The following NFATC3 variants were observed in gnomAD, a reference collection of about 807,000 sequenced individuals.
The protein encoded by NFATC3 is nuclear factor of activated T cells 3.
A neutral mutation model predicts 98.6 loss-of-function variants in NFATC3; 46 were observed. That is an observed-to-expected ratio of 0.47 (90% confidence interval 0.37 to 0.60). The LOEUF (loss-of-function observed/expected upper bound fraction) is 0.60. Among genes scored for constraint, NFATC3 ranks in the 20% least tolerant of loss-of-function variants. The pLI, the probability that NFATC3 is intolerant of heterozygous loss-of-function variation, is 0.00. For missense variants in NFATC3, 1,256 were observed against 1,295.5 expected, an observed-to-expected ratio of 0.97 and a Z score of 0.47; for synonymous variants, 512 against 472.2, an observed-to-expected ratio of 1.08 and a Z score of -1.09.
intron 3 of NFATC3, chr16:68,138,687 T>A (rs2037582032): frequency 7.8e-7 from 1 of 1,287,442 alleles, no homozygotes; most frequent in Non-Finnish European, 1.0e-6. Context: ...TGGCCCTACT[T>A]ACATGCAGAA....
At chr16:68,180,690 C>T (rs1251188511) in intron 6 of NFATC3, among the ~76,000 whole-genome samples, 9 of 152,062 alleles carry the variant, frequency 5.9e-5, no homozygotes, top group Admixed American at 5.9e-4. Flanking sequence ...GTGATATTCC[C>T]CATTCCTGTG....
intron 3 of NFATC3, among the ~76,000 whole-genome samples, chr16:68,148,944 G>A (rs1472114547): frequency 6.6e-6 from 1 of 152,118 alleles, no homozygotes; most frequent in Non-Finnish European, 1.5e-5. Context: ...GGGAGGTGGA[G>A]GTTGCAGCAC....
intron 9 of NFATC3, chr16:68,221,450 T>C (rs2041862068): frequency 7.5e-7 from 1 of 1,335,020 alleles, no homozygotes; most frequent in South Asian, 2.3e-5. Context: ...AGTGCTCACC[T>C]GTAGCAATTA....
chr16:68,106,744 T>TG (rs912381468), intron 1 of NFATC3, among the ~76,000 whole-genome samples: 9 of 148,566 alleles, frequency 6.1e-5, no homozygotes, highest in African/African-American at 2.3e-4. Context: ...TTTTTGTTGT[T>TG]TTTTTTTTAA....
intron 4 of NFATC3, among the ~76,000 whole-genome samples, chr16:68,159,662 A>G (rs1183582321): frequency 2.0e-5 from 3 of 151,354 alleles, no homozygotes; most frequent in Admixed American, 2.0e-4. Context: ...TGACCTCGTG[A>G]TCCACCCACC....
At chr16:68,143,917 A>G (rs1222915563) in intron 3 of NFATC3, among the ~76,000 whole-genome samples, 1 of 152,182 alleles carries the variant, frequency 6.6e-6, no homozygotes, top group Non-Finnish European at 1.5e-5. Flanking sequence ...AACAGGAGAA[A>G]ATCTTTAAGA....
At chr16:68,162,327 CT>C (rs2038932538) in intron 4 of NFATC3, among the ~76,000 whole-genome samples, 2 of 152,176 alleles carry the variant, frequency 1.3e-5, no homozygotes, top group African/African-American at 4.8e-5. Flanking sequence ...CTAGGATAAA[CT>C]AGTATCCTAG....
At chr16:68,121,242 C>CTTTTTTTTTTTTTT (rs753615194) in intron 1 of NFATC3, among the ~76,000 whole-genome samples, 18 of 102,386 alleles carry the variant, frequency 1.8e-4, no homozygotes, top group East Asian at 3.0e-4. Flanking sequence ...CTTTTCTTTT[C>CTTTTTTTTTTTTTT]TTTTTTTTTT....
rs55814695 is a variant in NFATC3, at chr16:68,181,550, T to A, written c.1971+20T>A. 4.4e-4 allele frequency: 667 copies of A among 1,531,828 alleles called. 8 individuals carry two copies. In the East Asian group the frequency reaches 0.015, roughly 34 times the overall value. The allele number at this position is 1,531,828 out of a possible 1,614,324, so 94.9% of individuals were successfully genotyped here. A position where few individuals can be genotyped will look rare whatever the true frequency, so the allele number is the denominator to read the frequency against. On this transcript the variant is annotated intron_variant, in intron 7 of 9. Transcript: ENST00000346183. Reference sequence around the variant, plus strand: ...CAAGGGGTAAGAAATTTACCTTAATTCTTAAGAAATATTTAAGACACTGAA... The same window carrying A: ...CAAGGGGTAAGAAATTTACCTTAATACTTAAGAAATATTTAAGACACTGAA...
intron 6 of NFATC3, among the ~76,000 whole-genome samples, chr16:68,177,478 T>C (rs1464687328): frequency 6.6e-6 from 1 of 152,222 alleles, no homozygotes; most frequent in Non-Finnish European, 1.5e-5. Context: ...ATTCCTGTTA[T>C]TTATTTATGC....
In NFATC3 at chr16:68,115,631, G is replaced by A. The variant is rs144448345; in HGVS notation, c.104-6356G>A. Among the ~76,000 whole-genome samples the A allele has an allele frequency of 5.1e-3, 769 of 151,508 alleles. 8 individuals are homozygous for A. Among genetic ancestry groups the A allele is most frequent in the African/African-American group, 0.017 (703 of 41,274 alleles). ...GTAGAGACAGGGTTTCACCATGTTG[G>A]CCAGGCTGGTCTTGGACTCCTGATC... On this transcript the variant is annotated intron_variant, in intron 1 of 9. Transcript: ENST00000346183.
chr16:68,211,769 G>A (rs762707325), intron 9 of NFATC3, among the ~76,000 whole-genome samples: 4 of 151,800 alleles, frequency 2.6e-5, no homozygotes, highest in Non-Finnish European at 4.4e-5. Flanking sequence ...TGATCTACCC[G>A]CCTTGGCCTC....
intron 9 of NFATC3, among the ~76,000 whole-genome samples, chr16:68,220,862 T>C (rs1300884872): frequency 6.6e-6 from 1 of 150,388 alleles, no homozygotes; most frequent in Non-Finnish European, 1.5e-5. Context: ...GAGCTTGCAG[T>C]GAGCTGAGAT....
intron 3 of NFATC3, 139 bp downstream of exon 3, chr16:68,126,749 A>G: frequency 1.4e-6 from 1 of 699,448 alleles, no homozygotes; most frequent in Non-Finnish European, 2.3e-6. Flanking sequence ...GGGCTTGTTG[A>G]TGTGACTACA....
rs114079496 is a variant in NFATC3 at position 68,114,005 on chromosome 16, T to C, written c.104-7982T>C. 7.9e-3 allele frequency among the ~76,000 whole-genome samples: 1,208 copies of C among 152,290 alleles called. 16 individuals are homozygous for C. The highest frequency in any genetic ancestry group is 0.027 in the African/African-American group (1,136 of 41,558). On this transcript the variant is annotated intron_variant, in intron 1 of 9. Transcript: ENST00000346183. ...GGGAACTTGGTAGTCTTAGGCAGTG[T>C]CCAGCCTGCTGCTGCTAGCCACAAC... is the stretch of plus-strand genomic sequence containing the variant.
intron 1 of NFATC3, among the ~76,000 whole-genome samples, chr16:68,099,292 G>A (rs1244578910): frequency 6.6e-6 from 1 of 151,962 alleles, no homozygotes; most frequent in Non-Finnish European, 1.5e-5. Flanking sequence ...AAAATTAGCC[G>A]GCTGTGGTGA....
chr16:68,190,484 C>T (rs191347916), intron 8 of NFATC3, among the ~76,000 whole-genome samples: 4 of 152,318 alleles, frequency 2.6e-5, no homozygotes, highest in Non-Finnish European at 5.9e-5. Context: ...CTAATTCTGT[C>T]GCTTAGTCAC....
At chr16:68,103,978 T>C (rs1240747674) in intron 1 of NFATC3, among the ~76,000 whole-genome samples, 1 of 152,200 alleles carries the variant, frequency 6.6e-6, no homozygotes, top group Non-Finnish European at 1.5e-5. Flanking sequence ...TTAATCCTAC[T>C]TTGTTTTCTT....
intron 3 of NFATC3, among the ~76,000 whole-genome samples, chr16:68,136,428 C>G (rs2037415524): frequency 6.6e-6 from 1 of 152,132 alleles, no homozygotes; most frequent in African/African-American, 2.4e-5. Flanking sequence ...ACCACCACAC[C>G]TGGCTACTTT....
Sources: allele counts gnomAD v4.1 joint callset (sites outside exome capture counted in the v4.1 genomes callset), GRCh38; gene constraint gnomAD v4.1.1; transcripts MANE v1.5; gene names NCBI Gene and HGNC (gene_info 2026-07-23, HGNC 2026-07-21).